Variants in DNAH11 observed in about 807,000 individuals in gnomAD.
DNAH11 encodes the protein axonemal beta dynein heavy chain 11.
DNAH11 carries 442 observed loss-of-function variants against 526.0 expected under a neutral mutation model. That is an observed-to-expected ratio of 0.84 (90% CI 0.78 to 0.91). The LOEUF (loss-of-function observed/expected upper bound fraction) is 0.91. Among genes scored for constraint, DNAH11 ranks in the 40% least tolerant of loss-of-function variants. The pLI is 0.00. For missense variants in DNAH11, 6,989 were observed against 5,448.7 expected (o/e 1.28, Z -8.90); for synonymous variants, 2,461 against 1,935.9 (o/e 1.27, Z -7.12).
chr7:21,873,578 A>C, intron 74 of DNAH11, 77 bp downstream of exon 74: 11 of 1,422,530 alleles, frequency 7.7e-6, no homozygotes, highest in Non-Finnish European at 1.1e-5. Flanking sequence ...GAATCAACCC[A>C]GGCATGTCAT....
chr7:21,729,457 A>G (rs1274967361), intron 45 of DNAH11, among the ~76,000 whole-genome samples: 1 of 152,188 alleles, frequency 6.6e-6, no homozygotes, highest in Non-Finnish European at 1.5e-5. Flanking sequence ...GAATTTCCCA[A>G]ATCTTTAAGT....
In DNAH11 at chr7:21,901,821, A is replaced by AAACTGTTCTAAAAAATG. The variant is rs1562616330; in HGVS notation, c.*569_*570insCTGTTCTAAAAAATGAA. On this transcript the variant is annotated 3_prime_UTR_variant, in exon 82 of 82. Transcript: ENST00000409508. Reference sequence around the variant, plus strand: ...TGTTCAGTCAAGTTTTAATAAAAATAAAACTGTTCTACAGTTAATTGCACT... The same window carrying AAACTGTTCTAAAAAATG: ...TGTTCAGTCAAGTTTTAATAAAAATAAACTGTTCTAAAAAATGAAACTGTTCTACAGTTAATTGCACT... 20 of 165,734 alleles carry AAACTGTTCTAAAAAATG rather than the reference A, an allele frequency of 1.2e-4. No homozygotes were observed. Among genetic ancestry groups the AAACTGTTCTAAAAAATG allele is most frequent in the Admixed American group, 4.0e-4 (7 of 17,550 alleles). The allele number at this position is 165,734 out of a possible 1,614,324, so 10.3% of individuals were successfully genotyped here.
chr7:21,738,765 A>AT lies in DNAH11; in HGVS notation c.7712dup (p.Leu2571PhefsTer12). On this transcript the variant is annotated frameshift_variant, in exon 47 of 82. Coordinates refer to ENST00000409508, the MANE Select transcript of DNAH11 (RefSeq NM_001277115.2). LOFTEE classifies it high-confidence loss of function. ...ACTATGGTCCTGGAGGAAATAAAAA[A>AT]TTGATTTATTTTATCGACGACATGA... 6.3e-7 allele frequency: 1 copy of AT among 1,591,448 alleles called. No individual in the cohort carries two copies. The highest frequency in any genetic ancestry group is 8.6e-7 in the Non-Finnish European group (1 of 1,168,012).
At chr7:21,580,598 G>A (rs1310144538) in intron 8 of DNAH11, among the ~76,000 whole-genome samples, 1 of 152,164 alleles carries the variant, frequency 6.6e-6, no homozygotes, top group African/African-American at 2.4e-5. Flanking sequence ...GCTCCCGCAG[G>A]TTCAGTGTCT....
At chr7:21,606,330 A>G (rs1032519827) in intron 18 of DNAH11, 96 bp from the exon 19 acceptor site, 2 of 1,074,826 alleles carry the variant, frequency 1.9e-6, no homozygotes, top group African/African-American at 1.6e-5. Flanking sequence ...CTCAAGAGAA[A>G]AAAAAAAAAG....
intron 54 of DNAH11, among the ~76,000 whole-genome samples, chr7:21,758,709 TA>T (rs1786749594): frequency 6.6e-6 from 1 of 152,212 alleles, no homozygotes; most frequent in African/African-American, 2.4e-5. Context: ...TTTTATATTG[TA>T]AAAGAAAATT....
chr7:21,748,763 G>T (rs1009226087), intron 52 of DNAH11, 21 bp downstream of exon 52: 25 of 1,606,750 alleles, frequency 1.6e-5, no homozygotes, highest in Non-Finnish European at 2.1e-5. Flanking sequence ...GGGACAGGCA[G>T]TTCTTCTGAC....
chr7:21,623,313 C>T (rs965015470), intron 25 of DNAH11, among the ~76,000 whole-genome samples: 2 of 150,446 alleles, frequency 1.3e-5, no homozygotes, highest in Non-Finnish European at 3.0e-5. Context: ...AGTCAGGAAA[C>T]AACAGGTGCT....
At chr7:21,594,551 G>A (rs1402641135) in intron 14 of DNAH11, among the ~76,000 whole-genome samples, 1 of 152,088 alleles carries the variant, frequency 6.6e-6, no homozygotes, top group Non-Finnish European at 1.5e-5. Flanking sequence ...TGGAGGGTGG[G>A]GTCGAGGATG....
At chr7:21,786,302 A>ACGTGTGTG (rs72269440) in intron 58 of DNAH11, among the ~76,000 whole-genome samples, 7 of 150,842 alleles carry the variant, frequency 4.6e-5, no homozygotes, top group African/African-American at 1.7e-4. Context: ...ACATATACAC[A>ACGTGTGTG]TGTGTGTGTG....
At position 21,860,094 on chromosome 7, in the gene DNAH11, G is replaced by A. The variant is rs562749858; in HGVS notation, c.11203-1759G>A. ...AGGCTGAGGTGGGAGGGTTGCTTAGGACCGGGAGGTTGAGGCTGCAGTGAG... is the reference window on the plus strand; with the variant it reads ...AGGCTGAGGTGGGAGGGTTGCTTAGAACCGGGAGGTTGAGGCTGCAGTGAG... On this transcript the variant is annotated intron_variant, in intron 68 of 81. Transcript: ENST00000409508. Among the ~76,000 whole-genome samples, 3 of 152,204 alleles carry A rather than the reference G, an allele frequency of 2.0e-5. No homozygotes were observed. In the South Asian group the frequency reaches 6.2e-4, roughly 32 times the overall value.
chr7:21,663,842 T>C (rs1411914009), intron 30 of DNAH11, among the ~76,000 whole-genome samples: 2 of 151,992 alleles, frequency 1.3e-5, no homozygotes, highest in Non-Finnish European at 1.5e-5. Context: ...GAGACCTAGG[T>C]TGATTCCATA....
chr7:21,564,084 T>A lies in DNAH11; in HGVS notation c.983-102T>A, dbSNP rs536264135. 5.4e-6 allele frequency: 4 copies of A among 743,326 alleles called. No homozygotes were observed. The South Asian group carries it at 9.1e-5, about 17-fold the overall frequency. 46.0% of individuals were successfully genotyped at this position (743,326 alleles called of 1,614,324 possible). A position where few individuals can be genotyped will look rare whatever the true frequency, so the allele number is the denominator to read the frequency against. On this transcript the variant is annotated intron_variant, in intron 5 of 81. Transcript: ENST00000409508. The stretch of plus-strand genomic sequence containing the variant: ...AAGGAACTATGACAACATTTAAGTG[T>A]GGCCATGTTGTTTTACGTGGCTCTC...
chr7:21,832,630 G>A (rs1319822289), intron 65 of DNAH11, among the ~76,000 whole-genome samples: 3 of 152,172 alleles, frequency 2.0e-5, no homozygotes, highest in Non-Finnish European at 2.9e-5. Flanking sequence ...TGAAAGCCTA[G>A]AGGAAGGAGC....
chr7:21,811,344 T>C (rs1223441336), intron 63 of DNAH11, among the ~76,000 whole-genome samples: 1 of 151,704 alleles, frequency 6.6e-6, no homozygotes, highest in Non-Finnish European at 1.5e-5. Context: ...TAATCCAGGC[T>C]ATTCAGGAGG....
Position 21,872,139 on chromosome 7 carries a change from A to AAAAACAAAACAAAC in DNAH11, c.11968-1131_11968-1130insCAAAACAAACAAAA, listed in dbSNP as rs1206706578. 1.0e-3 allele frequency among the ~76,000 whole-genome samples: 118 copies of AAAAACAAAACAAAC among 114,062 alleles called. 7 individuals are homozygous for AAAAACAAAACAAAC. The highest frequency in any genetic ancestry group is 4.4e-3 in the South Asian group (19 of 4,332). The allele number at this position is 114,062 out of a possible 152,430, so 74.8% of individuals were successfully genotyped here. A position where few individuals can be genotyped will look rare whatever the true frequency, so the allele number is the denominator to read the frequency against. The stretch of plus-strand genomic sequence containing the variant: ...ACTCTGTCTCAAAAAAAAAAAAAAA[A>AAAAACAAAACAAAC]AAAAAAAAAACCTTCATAATGACCA... On this transcript the variant is annotated intron_variant, in intron 73 of 81. Transcript: ENST00000409508.
intron 65 of DNAH11, among the ~76,000 whole-genome samples, chr7:21,835,699 A>G (rs1781966468): frequency 6.6e-6 from 1 of 152,138 alleles, no homozygotes; most frequent in East Asian, 1.9e-4. Context: ...AAAATCTGAA[A>G]CAAGACAAGG....
intron 20 of DNAH11, among the ~76,000 whole-genome samples, chr7:21,614,909 G>A (rs1257976449): frequency 1.3e-5 from 2 of 152,152 alleles, no homozygotes; most frequent in Non-Finnish European, 2.9e-5. Flanking sequence ...AAGTTACTGT[G>A]TTTAACAGTA....
chr7:21,637,544 T>C (rs965429992), intron 26 of DNAH11, 67 bp from the exon 27 acceptor site: 12 of 1,084,164 alleles, frequency 1.1e-5, no homozygotes, highest in Middle Eastern at 2.0e-4. Context: ...TTTTAATTCT[T>C]GAAATGATTA....
Sources: gnomAD v4.1 joint callset for allele counts (sites outside exome capture counted in the v4.1 genomes callset) on GRCh38, gnomAD v4.1.1 for gene constraint, MANE v1.5 for transcripts, NCBI Gene and HGNC (gene_info 2026-07-23, HGNC 2026-07-21) for gene names.